Variants in CCDC34 observed in about 807,000 individuals in gnomAD.
The protein encoded by CCDC34 is coiled-coil domain containing 34.
Under a neutral mutation model 44.1 loss-of-function variants are expected in CCDC34, and 40 were observed. The observed-to-expected ratio is 0.91, with a 90% confidence interval of 0.70 to 1.18. CCDC34 has a LOEUF of 1.18. Among genes scored for constraint, CCDC34 ranks in the 50% most tolerant of loss-of-function variants. CCDC34 has a pLI of 0.00. For missense variants in CCDC34, 466 were observed against 452.3 expected (o/e 1.03, Z -0.28); for synonymous variants, 159 against 158.2 (o/e 1.01, Z -0.04).
At chr11:27,349,791 G>A (rs1275261107) in intron 3 of CCDC34, 53 of 948,024 alleles carry the variant, frequency 5.6e-5, no homozygotes, top group Non-Finnish European at 6.4e-5. Context: ...AACAAAAGAG[G>A]CAAAAATCCC....
intron 2 of CCDC34, among the ~76,000 whole-genome samples, chr11:27,356,501 A>G (rs930382410): frequency 6.6e-6 from 1 of 152,110 alleles, no homozygotes; most frequent in Non-Finnish European, 1.5e-5. Context: ...ATCCTGTTTC[A>G]TTAAAAAGAA....
intron 2 of CCDC34, among the ~76,000 whole-genome samples, chr11:27,355,379 T>TA (rs1862560125): frequency 6.6e-6 from 1 of 152,144 alleles, no homozygotes; most frequent in African/African-American, 2.4e-5. Flanking sequence ...CATAAAAAAA[T>TA]AGAGTGCTCA....
Position 27,340,676 on chromosome 11 carries a change from C to T in CCDC34, c.907+20G>A. 2 of 1,594,190 alleles carry T rather than the reference C, an allele frequency of 1.3e-6. No individual in the cohort carries two copies. Among genetic ancestry groups the T allele is most frequent in the Non-Finnish European group, 1.7e-6 (2 of 1,171,484 alleles). ...TTCTGCAAACCATATTTATGTAAGC[C>T]ACACAACATAAAAACCAACCTGTAA... On this transcript the variant is annotated intron_variant, in intron 5 of 5. Coordinates refer to ENST00000328697, the MANE Select transcript of CCDC34 (RefSeq NM_030771.2).
chr11:27,357,929 C>G (rs77679957), intron 1 of CCDC34, among the ~76,000 whole-genome samples: 86 of 152,208 alleles, frequency 5.7e-4, no homozygotes, highest in African/African-American at 1.9e-3. Flanking sequence ...TTCCCTTTCC[C>G]GCCCTTAAGT....
In CCDC34 at chr11:27,363,165, A is replaced by G; in HGVS notation, c.30T>C (p.Thr10=). 2 of 1,499,952 alleles carry G rather than the reference A, an allele frequency of 1.3e-6. No homozygotes were observed. The highest frequency in any genetic ancestry group is 1.8e-6 in the Non-Finnish European group (2 of 1,130,324). 92.9% of individuals were successfully genotyped at this position (1,499,952 alleles called of 1,614,324 possible). ...AGAAACCGGCGTAGGAAGAGGGAAA[A>G]GTAGGCCCCCAGCGCCCCGCCGCCC... MWAAGRWGP[T]FPSSYAGFSA... The change falls in exon 1 of 6, where the codon ACT becomes ACC. Residue 10 remains threonine, a synonymous_variant. Transcript: ENST00000328697.
chr11:27,362,288 T>C (rs551083801), intron 1 of CCDC34, among the ~76,000 whole-genome samples: 1 of 152,322 alleles, frequency 6.6e-6, no homozygotes, highest in South Asian at 2.1e-4. Flanking sequence ...ATGACATCCA[T>C]TCCTCTGTGC....
chr11:27,354,418 A>G (rs762333996), intron 2 of CCDC34, among the ~76,000 whole-genome samples: 22 of 152,210 alleles, frequency 1.4e-4, no homozygotes, highest in Non-Finnish European at 3.1e-4. Flanking sequence ...CTTTGTACAT[A>G]TTAGTCCATA....
chr11:27,362,923 T>A lies in CCDC34; in HGVS notation c.272A>T (p.Asp91Val). Residue 91 changes from aspartate (D) to valine (V), a missense_variant, in exon 1 of 6, where the codon GAT becomes GTT. Coordinates refer to ENST00000328697, the MANE Select transcript of CCDC34 (RefSeq NM_030771.2). ...ATCTTCATCCACGTCTTCCTCATCATCCACGTCTTCCTCATCCTCCCCGTC... is the reference window on the plus strand; with the variant it reads ...ATCTTCATCCACGTCTTCCTCATCAACCACGTCTTCCTCATCCTCCCCGTC... ...DGDGEDEEDV[D>V]DEEDVDEDAH... 1.2e-6 allele frequency: 2 copies of A among 1,614,000 alleles called. No homozygotes were observed. The highest frequency in any genetic ancestry group is 1.7e-6 in the Non-Finnish European group (2 of 1,179,962).
chr11:27,339,829 AG>A (rs1231591213), intron 5 of CCDC34, among the ~76,000 whole-genome samples: 5 of 152,222 alleles, frequency 3.3e-5, no homozygotes, highest in Non-Finnish European at 5.9e-5. Flanking sequence ...TTATTTTAGC[AG>A]TTAACTTCTA....
At position 27,341,444 on chromosome 11, in the gene CCDC34, T is replaced by C. The variant is rs777292014; in HGVS notation, c.713A>G (p.Glu238Gly). 1 of 1,465,512 alleles carries C rather than the reference T, an allele frequency of 6.8e-7. No homozygotes were observed. Among genetic ancestry groups the C allele is most frequent in the Non-Finnish European group, 9.2e-7 (1 of 1,083,598 alleles). 90.8% of individuals were successfully genotyped at this position (1,465,512 alleles called of 1,614,324 possible). Residue 238 changes from glutamate (E) to glycine (G), a missense_variant, in exon 4 of 6, where the codon GAA becomes GGA. Physicochemically the swap from Glu to Gly is moderately conservative, Grantham distance 98. Transcript: ENST00000328697. Reference sequence around the variant, plus strand: ...TTCAGCATTTTTTTTCTTTAACCATTCTTGATATTTTTCTTTTGCTTTTTC... The same window carrying C: ...TTCAGCATTTTTTTTCTTTAACCATCCTTGATATTTTTCTTTTGCTTTTTC... The part of the protein sequence containing the change: ...LQEKAKEKYQ[E>G]WLKKKNAEEC...
Position 27,350,331 on chromosome 11 carries a change from C to T in CCDC34, c.606+1G>A. The T allele has an allele frequency of 6.2e-7, 1 of 1,613,922 alleles. No homozygotes were observed. The highest frequency in any genetic ancestry group is 8.5e-7 in the Non-Finnish European group (1 of 1,179,908). On this transcript the variant is annotated splice_donor_variant, in intron 3 of 5. Transcript: ENST00000328697. LOFTEE classifies it high-confidence loss of function. ...GTGTGTATCCATTTTCCCCTCCTTA[C>T]TTGCTCATTCTTTTTCTGAACCCAT...
At chr11:27,348,412 T>C (rs1173107529) in intron 3 of CCDC34, among the ~76,000 whole-genome samples, 1 of 152,222 alleles carries the variant, frequency 6.6e-6, no homozygotes, top group Non-Finnish European at 1.5e-5. Flanking sequence ...TTACAAAATA[T>C]GTGATAACAC....
Position 27,341,546 on chromosome 11 carries a change from C to A in CCDC34, c.611G>T (p.Arg204Ile), listed in dbSNP as rs1325874521. The change falls in exon 4 of 6, where the codon AGA becomes ATA. Residue 204 changes from arginine to isoleucine, a missense_variant. Transcript: ENST00000328697. ...ATTAATTTTTTGTTCTCTTTCTTTTCTTTTCTTAAATAAAAATAGATAAAG... is the reference window on the plus strand; with the variant it reads ...ATTAATTTTTTGTTCTCTTTCTTTTATTTTCTTAAATAAAAATAGATAAAG... ...EWVQKKNEQKRKEREQKINKE... is the reference protein window; with the variant it reads ...EWVQKKNEQKIKEREQKINKE... 4.1e-6 allele frequency: 5 copies of A among 1,233,680 alleles called. No homozygotes were observed. The highest frequency in any genetic ancestry group is 5.5e-6 in the Non-Finnish European group (5 of 914,388). The allele number at this position is 1,233,680 out of a possible 1,614,324, so 76.4% of individuals were successfully genotyped here.
At chr11:27,342,342 A>C (rs1319403464) in intron 3 of CCDC34, among the ~76,000 whole-genome samples, 3 of 132,218 alleles carry the variant, frequency 2.3e-5, no homozygotes, top group Non-Finnish European at 5.1e-5. Context: ...TTTATATATA[A>C]ATATATGTAT....
intron 3 of CCDC34, chr11:27,349,808 T>C: frequency 3.1e-6 from 3 of 955,686 alleles, no homozygotes; most frequent in Non-Finnish European, 3.7e-6. Context: ...TCCCTGCCCT[T>C]ATGTAGCTTA....
chr11:27,344,883 A>G (rs1862411477), intron 3 of CCDC34, among the ~76,000 whole-genome samples: 1 of 152,146 alleles, frequency 6.6e-6, no homozygotes, highest in South Asian at 2.1e-4. Context: ...GGCAACTAAA[A>G]CAAGTTTGAA....
intron 2 of CCDC34, among the ~76,000 whole-genome samples, chr11:27,353,140 C>G (rs983716971): frequency 6.6e-6 from 1 of 152,174 alleles, no homozygotes; most frequent in Admixed American, 6.5e-5. Flanking sequence ...CTTAAACATG[C>G]ATTTTTATTT....
At chr11:27,351,298 T>C (rs765837445) in intron 2 of CCDC34, among the ~76,000 whole-genome samples, 1 of 152,222 alleles carries the variant, frequency 6.6e-6, no homozygotes, top group African/African-American at 2.4e-5. Context: ...ACCTACCTAC[T>C]TGGGCATGGG....
chr11:27,344,711 T>C (rs1181407771), intron 3 of CCDC34, among the ~76,000 whole-genome samples: 1 of 151,996 alleles, frequency 6.6e-6, no homozygotes, highest in Non-Finnish European at 1.5e-5. Flanking sequence ...AGAAAAACCA[T>C]GTTTATAGAT....
Sources: gnomAD v4.1 joint callset for allele counts (sites outside exome capture counted in the v4.1 genomes callset) on GRCh38, gnomAD v4.1.1 for gene constraint, MANE v1.5 for transcripts, NCBI Gene and HGNC (gene_info 2026-07-23, HGNC 2026-07-21) for gene names.